Variants in PGC observed in about 807,000 individuals in gnomAD.
PGC encodes progastricsin.
In PGC, 31 loss-of-function variants were observed where a neutral mutation model predicts 45.9. That is an observed-to-expected ratio of 0.67 (90% CI 0.51 to 0.91). PGC has a LOEUF of 0.91. Ranked by LOEUF, PGC falls within the 40% of genes least tolerant of loss-of-function variation. PGC has a pLI of 0.00. For missense variants in PGC, 477 were observed against 493.2 expected (o/e 0.97, Z 0.31); for synonymous variants, 192 against 201.8 (o/e 0.95, Z 0.41).
intron 5 of PGC, chr6:41,741,364 G>A: frequency 2.5e-6 from 2 of 794,180 alleles, no homozygotes; most frequent in Non-Finnish European, 3.8e-6. Flanking sequence ...GGCTGCCTAA[G>A]GCCGGGCGCA....
chr6:41,741,812 G>A, intron 5 of PGC: 2 of 1,536,646 alleles, frequency 1.3e-6, no homozygotes, highest in Non-Finnish European at 1.7e-6. Flanking sequence ...GGGGTCAGCA[G>A]TGGACCTAGA....
Position 41,738,156 on chromosome 6 carries a change from ACATATATATG to A in PGC, c.916-338_916-329del, listed in dbSNP as rs1345819046. 4.8e-3 allele frequency among the ~76,000 whole-genome samples: 121 copies of A among 25,404 alleles called. 2 individuals are homozygous for A. The highest frequency in any genetic ancestry group is 6.4e-3 in the Non-Finnish European group (79 of 12,368). 16.7% of individuals were successfully genotyped at this position (25,404 alleles called of 152,430 possible). On this transcript the variant is annotated intron_variant, in intron 7 of 8. Transcript: ENST00000373025. ...TGCATATATATATGCATATATATAT[ACATATATATG>A]CATATATATATACATATATATATGC...
At chr6:41,738,169 T>TATATATGC (rs1771734216) in intron 7 of PGC, among the ~76,000 whole-genome samples, 5 of 38,072 alleles carry the variant, frequency 1.3e-4, no homozygotes, top group Admixed American at 3.1e-4. Context: ...TATATATGCA[T>TATATATGC]ATATATATAC....
chr6:41,744,683 G>A lies in PGC; in HGVS notation c.185C>T (p.Thr62Ile), dbSNP rs142648820. ...ATCCATGTAGGCCATGGGCTCGTAG[G>A]TCACGCTGAGGTCACCAAAGCGGTA... The part of the protein sequence containing the change: ...WKYRFGDLSV[T>I]YEPMAYMDAA... The change falls in exon 2 of 9, where the codon ACC becomes ATC. Residue 62 changes from threonine (T) to isoleucine (I), a missense_variant. Physicochemically the swap from Thr to Ile is moderately conservative, Grantham distance 89. Coordinates refer to ENST00000373025, the MANE Select transcript of PGC (RefSeq NM_002630.4). This position sits in a 1 kb window ranked among gnomAD's most constrained non-coding sequence, Gnocchi z 4.4. 52 of 1,614,042 alleles carry A rather than the reference G, an allele frequency of 3.2e-5. No individual in the cohort carries two copies. The highest frequency in any genetic ancestry group is 4.2e-5 in the Non-Finnish European group (49 of 1,180,028).
At position 41,739,875 on chromosome 6, in the gene PGC, G is replaced by C. The variant is rs879888813; in HGVS notation, c.839C>G (p.Ser280Cys). The C allele has an allele frequency of 1.2e-6, 2 of 1,614,122 alleles. No individual in the cohort carries two copies. The highest frequency in any genetic ancestry group is 1.7e-6 in the Non-Finnish European group (2 of 1,179,942). The change falls in exon 7 of 9, where the codon TCT (serine) becomes TGT (cysteine). Residue 280 changes from serine (S) to cysteine (C), a missense_variant. By Grantham distance (112) the Ser-to-Cys change is moderately radical. Coordinates refer to ENST00000373025, the MANE Select transcript of PGC (RefSeq NM_002630.4). Reference protein sequence around the residue: ...GCQAIVDTGTSLLTVPQQYMS... With the variant: ...GCQAIVDTGTCLLTVPQQYMS... ...GTACTGCTGGGGCACAGTGAGCAGAGAGGTGCCTGTGTCCACGATGGCCTG... is the reference window on the plus strand; with the variant it reads ...GTACTGCTGGGGCACAGTGAGCAGACAGGTGCCTGTGTCCACGATGGCCTG...
chr6:41,744,837 C>T lies in PGC; in HGVS notation c.60-29G>A, dbSNP rs371516755. ...CAGAAAGGTTGCATATGAGGCAAGG[C>T]CCTCCCTCCTTCCTCTCTTCCCACT... is the stretch of plus-strand genomic sequence containing the variant. On this transcript the variant is annotated intron_variant, in intron 1 of 8. Transcript: ENST00000373025. The surrounding 1 kb of genome is among the most constrained non-coding windows in gnomAD (Gnocchi z 4.4). 6.6e-5 allele frequency: 101 copies of T among 1,523,234 alleles called. No homozygotes were observed. The African/African-American group carries it at 1.2e-3, about 18-fold the overall frequency. The allele number at this position is 1,523,234 out of a possible 1,614,324, so 94.4% of individuals were successfully genotyped here.
intron 6 of PGC, 66 bp from the exon 7 acceptor site, chr6:41,740,012 C>T (rs1771792477): frequency 2.1e-6 from 3 of 1,458,486 alleles, no homozygotes; most frequent in Non-Finnish European, 2.8e-6. Flanking sequence ...GCGGGCTTTC[C>T]CCACCACTGT....
intron 8 of PGC, among the ~76,000 whole-genome samples, chr6:41,737,238 A>G (rs551376568): frequency 7.2e-5 from 11 of 152,258 alleles, no homozygotes; most frequent in African/African-American, 2.6e-4. Flanking sequence ...CCATGATGGG[A>G]AACTTCTCTT....
At position 41,737,763 on chromosome 6, in the gene PGC, C is replaced by T; in HGVS notation, c.981G>A (p.Glu327=). Residue 327 remains glutamate (E), a synonymous_variant, in exon 8 of 9, where the codon GAG becomes GAA. Transcript: ENST00000373025. ...TATAGGAGGAAGGTGGCAGAGGGAACTCCACACCATTGATGATGAAGGTCA... is the reference window on the plus strand; with the variant it reads ...TATAGGAGGAAGGTGGCAGAGGGAATTCCACACCATTGATGATGAAGGTCA... ...PSLTFIINGV[E]FPLPPSSYIL... 1 of 1,611,446 alleles carries T rather than the reference C, an allele frequency of 6.2e-7. No individual in the cohort carries two copies. Among genetic ancestry groups the T allele is most frequent in the East Asian group, 2.2e-5 (1 of 44,852 alleles).
intron 8 of PGC, 86 bp downstream of exon 8, chr6:41,737,644 A>T: frequency 2.6e-6 from 2 of 781,040 alleles, no homozygotes; most frequent in East Asian, 5.0e-5. Flanking sequence ...AAATGGCACA[A>T]GGCAGGAGAC....
At chr6:41,738,252 ATATATATATATG>A (rs1324431125) in intron 7 of PGC, among the ~76,000 whole-genome samples, 160 of 10,938 alleles carry the variant, frequency 0.015, 1 homozygote, top group African/African-American at 0.03. Flanking sequence ...ATATATATGC[ATATATATATATG>A]CACACACACA....
At chr6:41,738,135 TATATATATGCATATATATATAC>T (rs1205043001) in intron 7 of PGC, among the ~76,000 whole-genome samples, 40 of 99,638 alleles carry the variant, frequency 4.0e-4, no homozygotes, top group African/African-American at 6.2e-4. Context: ...TATATATGCA[TATATATATGCATATATATATAC>T]ATATATATGC....
intron 7 of PGC, among the ~76,000 whole-genome samples, chr6:41,738,204 A>ATATATATGCATATATATACG (rs1771743045): frequency 8.7e-5 from 1 of 11,456 alleles, no homozygotes; most frequent in African/African-American, 1.4e-4. Context: ...ATATATATGC[A>ATATATATGCATATATATACG]TATATATATG....
Position 41,740,572 on chromosome 6 carries a change from C to A in PGC, c.686G>T (p.Gly229Val). 1 of 1,605,718 alleles carries A rather than the reference C, an allele frequency of 6.2e-7. No individual in the cohort carries two copies. The highest frequency in any genetic ancestry group is 1.3e-5 in the African/African-American group (1 of 74,484). The change falls in exon 6 of 9, where the codon GGT becomes GTT. Residue 229 changes from glycine to valine, a missense_variant. Coordinates refer to ENST00000373025, the MANE Select transcript of PGC (RefSeq NM_002630.4). ...GSSGGAVVFG[G>V]VDSSLYTGQI... is the part of the protein sequence containing the mutation. Reference sequence around the variant, plus strand: ...CCCCGTGTACAGGCTGCTATCCACACCCCCAAAGACAACCGCTCCCCCGCT... The same window carrying A: ...CCCCGTGTACAGGCTGCTATCCACAACCCCAAAGACAACCGCTCCCCCGCT...
At chr6:41,740,856 TCC>T in intron 5 of PGC, 1 of 1,429,868 alleles carries the variant, frequency 7.0e-7, no homozygotes. Flanking sequence ...AGTCTGTGTC[TCC>T]CTCAGACTGG....
chr6:41,739,213 C>G (rs1023094209), intron 7 of PGC, among the ~76,000 whole-genome samples: 1 of 152,190 alleles, frequency 6.6e-6, no homozygotes, highest in East Asian at 1.9e-4. Context: ...ATCCCAAAGT[C>G]CAGCAAGCAT....
chr6:41,741,865 G>A, intron 5 of PGC: 1 of 1,521,826 alleles, frequency 6.6e-7, no homozygotes, highest in South Asian at 1.2e-5. Context: ...GATAAAAGGA[G>A]ATGAAGCAAT....
rs778919680 is a variant in PGC at position 41,742,384 on chromosome 6, G to A, written c.553C>T (p.Pro185Ser). Residue 185 changes from proline (P) to serine (S), a missense_variant, in exon 5 of 9, where the codon CCT (proline) becomes TCT (serine). By Grantham distance (74) the Pro-to-Ser change is moderately conservative. Transcript: ENST00000373025. ...GTGGCCTCATCCACGGACAGAGCAGGGTAGGCCAGGCCCATGATGCCATCA... is the reference window on the plus strand; with the variant it reads ...GTGGCCTCATCCACGGACAGAGCAGAGTAGGCCAGGCCCATGATGCCATCA... ...QFDGIMGLAY[P>S]ALSVDEATTA... The A allele has an allele frequency of 1.2e-6, 2 of 1,614,138 alleles. No homozygotes were observed. The highest frequency in any genetic ancestry group is 1.7e-5 in the Admixed American group (1 of 60,030).
rs779719583 is a variant in PGC at position 41,747,301 on chromosome 6, G to A, written c.34C>T (p.Gln12Ter). The A allele has an allele frequency of 6.2e-7, 1 of 1,614,018 alleles. No homozygotes were observed. The highest frequency in any genetic ancestry group is 1.1e-5 in the South Asian group (1 of 91,080). ...KWMVVVLVCL[Q>*]LLEAAVVKVP... ...TTGACCACTGCTGCCTCCAAGAGCT[G>A]GAGGCAGACCAAGACCACCACCATC... The change falls in exon 1 of 9, where the codon CAG (glutamine) becomes TAG (stop). Residue 12 changes from glutamine to a stop codon, truncating the protein, a stop_gained. Transcript: ENST00000373025. LOFTEE classifies it high-confidence loss of function.
Sources: gnomAD v4.1 joint callset for allele counts (sites outside exome capture counted in the v4.1 genomes callset) on GRCh38, gnomAD v4.1.1 for gene constraint, Gnocchi (gnomAD v3.1) non-coding constraint, MANE v1.5 for transcripts, NCBI Gene and HGNC (gene_info 2026-07-23, HGNC 2026-07-21) for gene names.